The following SCN3A variants were observed in gnomAD, a reference collection of about 807,000 sequenced individuals.
SCN3A encodes sodium voltage-gated channel alpha subunit 3, also known as sodium channel protein type 3 subunit alpha.
Under a neutral mutation model 187.6 loss-of-function variants are expected in SCN3A, and 60 were observed. That is an observed-to-expected ratio of 0.32 (90% CI 0.26 to 0.40). The LOEUF is 0.40. SCN3A is among the 10% of genes least tolerant of loss of function. SCN3A has a pLI of 1.00. For synonymous variants in SCN3A, 788 were observed against 829.2 expected (o/e 0.95, Z 0.85); for missense variants, 1,601 against 2,428.2 (o/e 0.66, Z 7.16).
Position 165,140,725 on chromosome 2 carries a change from C to T in SCN3A, c.1945G>A (p.Asp649Asn), listed in dbSNP as rs201115248. The change falls in exon 13 of 28, where the codon GAT becomes AAT. Residue 649 changes from aspartate (D) to asparagine (N), a missense_variant. By Grantham distance (23) the Asp-to-Asn change is conservative. Coordinates refer to ENST00000283254, the MANE Select transcript of SCN3A (RefSeq NM_006922.4). This position sits in a 1 kb window ranked among gnomAD's most constrained non-coding sequence, Gnocchi z 4.2. Reference protein sequence around the residue: ...PANGKMHSTVDCNGVVSLVGG... With the variant: ...PANGKMHSTVNCNGVVSLVGG... ...ACCAAGGAAACCACACCATTGCAAT[C>T]CACAGTGCTGTGCATCTTCCCATTT... 1.2e-6 allele frequency: 2 copies of T among 1,613,920 alleles called. No homozygotes were observed. The highest frequency in any genetic ancestry group is 1.3e-5 in the African/African-American group (1 of 74,900).
In SCN3A at chr2:165,130,158, G is replaced by T; in HGVS notation, c.2704C>A (p.Gln902Lys). 1 of 1,614,154 alleles carries T rather than the reference G, an allele frequency of 6.2e-7. No individual in the cohort carries two copies. Residue 902 changes from glutamine (Q) to lysine (K), a missense_variant, in exon 17 of 28, where the codon CAG becomes AAG. Gln to Lys is a moderately conservative substitution (Grantham distance 53). This residue lies in a region of SCN3A where 91 missense variants were observed against 207.0 expected (regional missense o/e 0.44). Coordinates refer to ENST00000283254, the MANE Select transcript of SCN3A (RefSeq NM_006922.4). ...TCTTTGTAGCTCTTACCAAAGAGCT[G>T]CATGCCGACCACAGCAAAAATGAAG... is the stretch of plus-strand genomic sequence containing the variant. ...IVFIFAVVGMQLFGKSYKECV... is the reference protein window; with the variant it reads ...IVFIFAVVGMKLFGKSYKECV...
intron 15 of SCN3A, among the ~76,000 whole-genome samples, chr2:165,132,455 A>T (rs2105781808): frequency 6.6e-6 from 1 of 152,352 alleles, no homozygotes; most frequent in Non-Finnish European, 1.5e-5. Flanking sequence ...GGAACAGAAC[A>T]GAGCCCTCAG....
intron 22 of SCN3A, 54 bp downstream of exon 22, chr2:165,100,248 T>C: frequency 6.3e-7 from 1 of 1,583,222 alleles, no homozygotes; most frequent in Non-Finnish European, 8.7e-7. Context: ...TCTATCTAAA[T>C]CATTACCTAC....
chr2:165,167,139 TTAAC>T (rs1208443862), intron 5 of SCN3A, among the ~76,000 whole-genome samples: 1 of 152,112 alleles, frequency 6.6e-6, no homozygotes, highest in African/African-American at 2.4e-5. Flanking sequence ...ACTGCCTTCT[TTAAC>T]TATCTTTTAA....
At chr2:165,178,380 C>G (rs572596743) in intron 2 of SCN3A, among the ~76,000 whole-genome samples, 30 of 152,196 alleles carry the variant, frequency 2.0e-4, no homozygotes, top group South Asian at 1.2e-3. Context: ...GTGCCCTCCA[C>G]CATGCCTGGA....
chr2:165,104,435 A>G (rs1169440664), intron 21 of SCN3A, among the ~76,000 whole-genome samples: 1 of 151,944 alleles, frequency 6.6e-6, no homozygotes, highest in Non-Finnish European at 1.5e-5. Flanking sequence ...AAAAAATAAT[A>G]CTAGAGCCTT....
At chr2:165,164,549 C>G (rs775774311) in intron 5 of SCN3A, 29 bp from the exon 6 acceptor site, 1 of 1,612,128 alleles carries the variant, frequency 6.2e-7, no homozygotes. Context: ...CCAAAATTAA[C>G]AATTTTGCTT....
chr2:165,131,687 G>C (rs1440591522), intron 15 of SCN3A, among the ~76,000 whole-genome samples: 1 of 150,578 alleles, frequency 6.6e-6, no homozygotes, highest in East Asian at 2.0e-4. Context: ...TGCCATGCTG[G>C]TGTGCTGCAC....
At chr2:165,154,724 A>G in intron 10 of SCN3A, 66 bp from the exon 11 acceptor site, 2 of 1,435,734 alleles carry the variant, frequency 1.4e-6, no homozygotes, top group Middle Eastern at 1.7e-4. Flanking sequence ...ATATCTGATT[A>G]CCACAGTTAG....
intron 21 of SCN3A, among the ~76,000 whole-genome samples, chr2:165,102,214 TGAAAA>T (rs1308995615): frequency 6.6e-6 from 1 of 152,190 alleles, no homozygotes; most frequent in Non-Finnish European, 1.5e-5. Flanking sequence ...GCTTATGCTT[TGAAAA>T]GAAAAGTAAA....
At chr2:165,183,010 G>T (rs1320056346) in intron 2 of SCN3A, among the ~76,000 whole-genome samples, 1 of 151,576 alleles carries the variant, frequency 6.6e-6, no homozygotes, top group Non-Finnish European at 1.5e-5. Flanking sequence ...AGCAGTCACT[G>T]GTTGAAGCTG....
At chr2:165,155,314 T>C (rs1688950826) in intron 10 of SCN3A, among the ~76,000 whole-genome samples, 1 of 151,956 alleles carries the variant, frequency 6.6e-6, no homozygotes, top group Non-Finnish European at 1.5e-5. Context: ...TGTTCCAGAG[T>C]GTTATAAGCA....
At chr2:165,157,896 A>G (rs1467174648) in intron 9 of SCN3A, among the ~76,000 whole-genome samples, 1 of 152,168 alleles carries the variant, frequency 6.6e-6, no homozygotes, top group Non-Finnish European at 1.5e-5. Context: ...AGTTTGACAT[A>G]CACCATGGTT....
intron 15 of SCN3A, among the ~76,000 whole-genome samples, chr2:165,133,377 CAG>C (rs1157715396): frequency 1.3e-5 from 2 of 151,812 alleles, no homozygotes; most frequent in African/African-American, 4.8e-5. Flanking sequence ...TTTTTTGAGA[CAG>C]AGTCTCCCTC....
chr2:165,169,685 C>CT (rs1389847701), intron 4 of SCN3A, among the ~76,000 whole-genome samples: 1 of 151,862 alleles, frequency 6.6e-6, no homozygotes, highest in Non-Finnish European at 1.5e-5. Flanking sequence ...GTGAATCAGT[C>CT]TTTAAGTTTA....
intron 21 of SCN3A, among the ~76,000 whole-genome samples, chr2:165,111,528 CACAT>C (rs1276171029): frequency 6.3e-5 from 8 of 126,432 alleles, no homozygotes; most frequent in Non-Finnish European, 1.4e-4. Context: ...CACACACACA[CACAT>C]TTACCTATTA....
intron 9 of SCN3A, among the ~76,000 whole-genome samples, chr2:165,160,808 T>G (rs1363977180): frequency 6.6e-6 from 1 of 152,060 alleles, no homozygotes; most frequent in Non-Finnish European, 1.5e-5. Flanking sequence ...CCCAGCTAAT[T>G]TTTGCATTTT....
At chr2:165,095,676 T>A (rs750469230) in intron 24 of SCN3A, 28 bp from the exon 25 acceptor site, 1 of 1,180,686 alleles carries the variant, frequency 8.5e-7, no homozygotes. Context: ...TATTAAATAA[T>A]ATGAAAAATA....
chr2:165,094,336 A>T (rs751275676), intron 26 of SCN3A, 38 bp downstream of exon 26: 1 of 1,436,278 alleles, frequency 7.0e-7, no homozygotes, highest in South Asian at 1.1e-5. Context: ...ATATGGACGC[A>T]TGGCTTTGGA....
Sources: allele counts gnomAD v4.1 joint callset (sites outside exome capture counted in the v4.1 genomes callset), GRCh38; gene constraint gnomAD v4.1.1; regional missense constraint gnomAD v4.1.1; non-coding constraint Gnocchi (gnomAD v3.1); transcripts MANE v1.5; gene names NCBI Gene and HGNC (gene_info 2026-07-23, HGNC 2026-07-21).